FAM20C: variants seen among roughly 807,000 people sequenced by gnomAD.
The protein encoded by FAM20C is FAM20C golgi associated secretory pathway kinase, also known as extracellular serine/threonine protein kinase FAM20C.
A neutral mutation model predicts 51.5 loss-of-function variants in FAM20C; 40 were observed. That is an observed-to-expected ratio of 0.78 (90% CI 0.60 to 1.01). The LOEUF (loss-of-function observed/expected upper bound fraction) is 1.01. FAM20C is among the 50% of genes least tolerant of loss of function. The pLI, the probability that FAM20C is intolerant of heterozygous loss-of-function variation, is 0.00. For synonymous variants in FAM20C, 406 were observed against 380.6 expected (o/e 1.07, Z -0.78); for missense variants, 861 against 844.7 (o/e 1.02, Z -0.24).
intron 2 of FAM20C, among the ~76,000 whole-genome samples, chr7:206,048 C>T (rs1345064669): frequency 3.3e-5 from 5 of 152,146 alleles, no homozygotes; most frequent in East Asian, 3.9e-4. Flanking sequence ...TCAGCACACG[C>T]GCGTGCCCTC....
intron 5 of FAM20C, among the ~76,000 whole-genome samples, chr7:253,590 AG>A (rs2115166163): frequency 7.4e-6 from 1 of 135,814 alleles, no homozygotes; most frequent in East Asian, 1.9e-4. Context: ...TTACCTGGAC[AG>A]CTGCCTCCCG....
intron 5 of FAM20C, among the ~76,000 whole-genome samples, chr7:250,504 C>T (rs1038770998): frequency 6.6e-6 from 1 of 152,200 alleles, no homozygotes; most frequent in Non-Finnish European, 1.5e-5. Flanking sequence ...AGGCACACCT[C>T]CAGTGATGGG....
At chr7:214,218 G>T (rs1583297727) in intron 3 of FAM20C, among the ~76,000 whole-genome samples, 1 of 152,136 alleles carries the variant, frequency 6.6e-6, no homozygotes, top group East Asian at 1.9e-4. Flanking sequence ...CCAGCTACTC[G>T]GGAGGCTGAG....
At position 193,547 on chromosome 7, in the gene FAM20C, G is replaced by A. The variant is rs1412424535; in HGVS notation, c.348G>A (p.Pro116=). The A allele has an allele frequency of 4.7e-6, 7 of 1,494,638 alleles. No homozygotes were observed. The highest frequency in any genetic ancestry group is 6.3e-6 in the Non-Finnish European group (7 of 1,119,188). The allele number at this position is 1,494,638 out of a possible 1,614,324, so 92.6% of individuals were successfully genotyped here. A position where few individuals can be genotyped will look rare whatever the true frequency, so the allele number is the denominator to read the frequency against. The part of the protein sequence containing the change: ...SLEKLPPAAE[P]AERALRGRDP... ...AGAAACTGCCGCCCGCGGCCGAGCCGGCCGAGCGCGCCTTGCGGGGGCGGG... is the reference window on the plus strand; with the variant it reads ...AGAAACTGCCGCCCGCGGCCGAGCCAGCCGAGCGCGCCTTGCGGGGGCGGG... The change falls in exon 1 of 10, where the codon CCG becomes CCA. Residue 116 remains proline, a synonymous_variant. Coordinates refer to ENST00000313766, the MANE Select transcript of FAM20C (RefSeq NM_020223.4).
At chr7:214,828 T>C (rs1786884741) in intron 3 of FAM20C, among the ~76,000 whole-genome samples, 1 of 152,146 alleles carries the variant, frequency 6.6e-6, no homozygotes, top group African/African-American at 2.4e-5. Flanking sequence ...TCTTGCGTCT[T>C]GGAAAGAAGC....
At chr7:199,892 C>G (rs1025399381) in intron 2 of FAM20C, among the ~76,000 whole-genome samples, 4 of 152,196 alleles carry the variant, frequency 2.6e-5, no homozygotes, top group Non-Finnish European at 5.9e-5. Context: ...ATTCGGGCAG[C>G]TTCTGGACTG....
At chr7:220,841 G>C (rs1034308687) in intron 3 of FAM20C, among the ~76,000 whole-genome samples, 1 of 152,226 alleles carries the variant, frequency 6.6e-6, no homozygotes, top group Non-Finnish European at 1.5e-5. Context: ...GTCACGCCCT[G>C]GGGAGCAAGG....
chr7:201,465 A>G (rs577848147), intron 2 of FAM20C, among the ~76,000 whole-genome samples: 3 of 152,212 alleles, frequency 2.0e-5, no homozygotes, highest in Admixed American at 1.3e-4. Flanking sequence ...CCCAGTCTCC[A>G]TCCCCATGAG....
chr7:201,970 TTAA>T (rs1428165121), intron 2 of FAM20C, among the ~76,000 whole-genome samples: 4 of 152,228 alleles, frequency 2.6e-5, no homozygotes, highest in Admixed American at 6.5e-5. Flanking sequence ...GTGACGTAGA[TTAA>T]TAATGATGAA....
chr7:211,744 C>T (rs1017674142), intron 3 of FAM20C, among the ~76,000 whole-genome samples: 3 of 152,226 alleles, frequency 2.0e-5, no homozygotes, highest in Admixed American at 1.3e-4. Context: ...CCTGAGAAGC[C>T]TGCTGCAGTT....
At chr7:209,851 G>A (rs1281167042) in intron 3 of FAM20C, among the ~76,000 whole-genome samples, 5 of 152,240 alleles carry the variant, frequency 3.3e-5, no homozygotes, top group Admixed American at 6.5e-5. Context: ...ATAGCTGCCT[G>A]CTTGCAAGTT....
At chr7:250,575 T>G (rs1398678439) in intron 5 of FAM20C, among the ~76,000 whole-genome samples, 4 of 152,138 alleles carry the variant, frequency 2.6e-5, no homozygotes, top group Non-Finnish European at 5.9e-5. Flanking sequence ...GTCCATCTTT[T>G]TTAAGGGGCT....
chr7:212,205 G>T (rs988974108), intron 3 of FAM20C, among the ~76,000 whole-genome samples: 1 of 152,266 alleles, frequency 6.6e-6, no homozygotes, highest in African/African-American at 2.4e-5. Context: ...GCTCGCAGCT[G>T]TAATCCCAGC....
chr7:242,333 G>T (rs1338566009), intron 3 of FAM20C, among the ~76,000 whole-genome samples: 1 of 152,228 alleles, frequency 6.6e-6, no homozygotes, highest in African/African-American at 2.4e-5. Context: ...ACGCGGATCT[G>T]ACAAATGCCC....
chr7:216,878 G>T (rs184230423), intron 3 of FAM20C, among the ~76,000 whole-genome samples: 1 of 152,074 alleles, frequency 6.6e-6, no homozygotes, highest in Non-Finnish European at 1.5e-5. Context: ...CCCTCCTTCC[G>T]GGCTCTGACA....
intron 3 of FAM20C, among the ~76,000 whole-genome samples, chr7:217,589 G>A (rs545686882): frequency 2.6e-5 from 4 of 152,264 alleles, no homozygotes; most frequent in Non-Finnish European, 2.9e-5. Context: ...GGTGCAGGGC[G>A]GCCCTAGAGA....
chr7:226,044 C>A (rs1787431230), intron 3 of FAM20C, among the ~76,000 whole-genome samples: 1 of 152,160 alleles, frequency 6.6e-6, no homozygotes, highest in Non-Finnish European at 1.5e-5. Flanking sequence ...TCACTGAGTT[C>A]CATGAGACCG....
At chr7:256,846 C>A in intron 7 of FAM20C, 83 bp downstream of exon 7, 1 of 1,446,912 alleles carries the variant, frequency 6.9e-7, no homozygotes, top group Non-Finnish European at 9.4e-7. Context: ...GGGCACACTC[C>A]GTGGCACGGC....
At chr7:240,399 G>A (rs1000877427) in intron 3 of FAM20C, among the ~76,000 whole-genome samples, 15 of 152,256 alleles carry the variant, frequency 9.9e-5, no homozygotes, top group Admixed American at 4.6e-4. Context: ...AGGTAATAGT[G>A]ATAATGATGA....
Sources: gnomAD v4.1 joint callset for allele counts (sites outside exome capture counted in the v4.1 genomes callset) on GRCh38, gnomAD v4.1.1 for gene constraint, MANE v1.5 for transcripts, NCBI Gene and HGNC (gene_info 2026-07-23, HGNC 2026-07-21) for gene names.